The following NAV3 variants were observed in gnomAD, a reference collection of about 807,000 sequenced individuals.
NAV3 encodes pore membrane and/or filament interacting like protein 1.
In NAV3, 87 loss-of-function variants were observed where a neutral mutation model predicts 244.7. The observed-to-expected ratio is 0.36, with a 90% CI of 0.30 to 0.42. NAV3 has a LOEUF of 0.42. Among genes scored for constraint, NAV3 ranks in the 20% least tolerant of loss-of-function variants. The pLI, the probability that NAV3 is intolerant of heterozygous loss-of-function variation, is 1.00. For synonymous variants in NAV3, 1,126 were observed against 1,042.2 expected (o/e 1.08, Z -1.55); for missense variants, 2,663 against 2,893.3 (o/e 0.92, Z 1.83).
chr12:77,585,983 A>G (rs1029001585), intron 2 of NAV3, among the ~76,000 whole-genome samples: 1 of 152,170 alleles, frequency 6.6e-6, no homozygotes, highest in Admixed American at 6.5e-5. Flanking sequence ...GAACATGGTG[A>G]GACCCCATCT....
At chr12:77,723,755 C>CTTT (rs34518266) in intron 2 of NAV3, among the ~76,000 whole-genome samples, 2,078 of 67,628 alleles carry the variant, frequency 0.031, 323 homozygotes, top group African/African-American at 0.1. Flanking sequence ...GCAATCTTGA[C>CTTT]TTTTTTTTTT....
At chr12:77,949,366 T>C (rs1166236029) in intron 3 of NAV3, among the ~76,000 whole-genome samples, 2 of 151,998 alleles carry the variant, frequency 1.3e-5, no homozygotes, top group Non-Finnish European at 2.9e-5. Context: ...TTTAGTAAAG[T>C]GGAAAAATTA....
At chr12:77,982,678 G>T (rs1869788879) in intron 5 of NAV3, among the ~76,000 whole-genome samples, 1 of 152,168 alleles carries the variant, frequency 6.6e-6, no homozygotes, top group African/African-American at 2.4e-5. Context: ...CATGGATTTT[G>T]TAAGCCAAAG....
intron 21 of NAV3, among the ~76,000 whole-genome samples, chr12:78,148,327 C>A (rs1479036986): frequency 6.6e-6 from 1 of 151,550 alleles, no homozygotes; most frequent in African/African-American, 2.4e-5. Context: ...TGAATTAAGC[C>A]CAAGTTTTAG....
At chr12:77,649,964 T>A (rs559299707) in intron 2 of NAV3, among the ~76,000 whole-genome samples, 16 of 152,344 alleles carry the variant, frequency 1.1e-4, no homozygotes, top group African/African-American at 3.8e-4. Flanking sequence ...TTTGTTCACA[T>A]ACAGTGAGAT....
intron 2 of NAV3, among the ~76,000 whole-genome samples, chr12:77,818,449 A>C (rs796719156): frequency 9.9e-5 from 15 of 152,260 alleles, no homozygotes; most frequent in African/African-American, 3.6e-4. Context: ...CCATCCCATC[A>C]CGTTAGAATT....
At chr12:78,058,767 CTACTAGGAAATATTGATACAAA>C (rs1427522146) in intron 11 of NAV3, among the ~76,000 whole-genome samples, 1 of 151,900 alleles carries the variant, frequency 6.6e-6, no homozygotes, top group Non-Finnish European at 1.5e-5. Context: ...GCAGTAACTA[CTACTAGGAAATATTGATACAAA>C]TACTAGGAAA....
intron 2 of NAV3, among the ~76,000 whole-genome samples, chr12:77,739,011 C>CAAAAAAAA (rs1168641355): frequency 1.2e-4 from 8 of 64,084 alleles, no homozygotes; most frequent in Admixed American, 4.6e-4. Flanking sequence ...GACTCCGTCT[C>CAAAAAAAA]AAAAAAAAAA....
intron 19 of NAV3, among the ~76,000 whole-genome samples, chr12:78,138,377 C>T (rs1318994116): frequency 1.3e-5 from 2 of 151,178 alleles, no homozygotes; most frequent in African/African-American, 4.9e-5. Flanking sequence ...CTTTTCCCTT[C>T]CTACCTTCTT....
intron 1 of NAV3, among the ~76,000 whole-genome samples, chr12:77,850,355 C>A (rs986377366): frequency 2.6e-5 from 4 of 152,280 alleles, no homozygotes; most frequent in Admixed American, 6.5e-5. Flanking sequence ...ATGGATCTTC[C>A]TCTAAGTAAT....
chr12:78,052,120 T>G (rs1882842604), intron 11 of NAV3: 1 of 152,224 alleles, frequency 6.6e-6, no homozygotes, highest in Admixed American at 6.5e-5. Flanking sequence ...ACTCTTTGTC[T>G]TTACGCATCT....
intron 2 of NAV3, among the ~76,000 whole-genome samples, chr12:77,762,022 C>G (rs368473340): frequency 6.6e-6 from 1 of 152,160 alleles, no homozygotes. Context: ...AGACTTGGAA[C>G]CCACCCAAAT....
At chr12:78,060,203 T>C (rs1022785858) in intron 12 of NAV3, among the ~76,000 whole-genome samples, 8 of 152,204 alleles carry the variant, frequency 5.3e-5, no homozygotes, top group Non-Finnish European at 1.2e-4. Flanking sequence ...AGTTGTTTAA[T>C]TCAGCATTTA....
chr12:77,658,982 G>A (rs1460618859), intron 2 of NAV3, among the ~76,000 whole-genome samples: 4 of 151,962 alleles, frequency 2.6e-5, no homozygotes, highest in East Asian at 1.9e-4. Flanking sequence ...AGACTTAAAC[G>A]TTAGACCTAA....
intron 12 of NAV3, among the ~76,000 whole-genome samples, chr12:78,099,352 G>C (rs186584040): frequency 2.0e-3 from 310 of 151,796 alleles, no homozygotes; most frequent in African/African-American, 7.1e-3. Flanking sequence ...ATAATCAGCA[G>C]AGTGTTAACT....
At chr12:78,045,301 C>A (rs1254557542) in intron 9 of NAV3, among the ~76,000 whole-genome samples, 1 of 151,006 alleles carries the variant, frequency 6.6e-6, no homozygotes, top group Non-Finnish European at 1.5e-5. Flanking sequence ...GGTGGATAAG[C>A]TTTTTTTTTG....
chr12:78,081,896 A>T (rs575023950), intron 12 of NAV3, among the ~76,000 whole-genome samples: 1 of 152,318 alleles, frequency 6.6e-6, no homozygotes, highest in South Asian at 2.1e-4. Context: ...TTTTAAGTAG[A>T]TCTTTTCCTG....
chr12:77,954,561 A>C (rs1409160100), intron 3 of NAV3, among the ~76,000 whole-genome samples: 4 of 152,210 alleles, frequency 2.6e-5, no homozygotes, highest in Non-Finnish European at 5.9e-5. Context: ...AGATGAAAAG[A>C]GTTTTGTATA....
intron 22 of NAV3, among the ~76,000 whole-genome samples, chr12:78,153,837 G>T (rs1337882328): frequency 1.3e-5 from 2 of 151,388 alleles, no homozygotes; most frequent in African/African-American, 4.8e-5. Flanking sequence ...TTGCTTTTTT[G>T]CATCTCTTCT....
Sources: gnomAD v4.1 joint callset for allele counts (sites outside exome capture counted in the v4.1 genomes callset) on GRCh38, gnomAD v4.1.1 for gene constraint, MANE v1.5 for transcripts, NCBI Gene and HGNC (gene_info 2026-07-23, HGNC 2026-07-21) for gene names.